The following AP3B1 variants were observed in gnomAD, a reference collection of about 807,000 sequenced individuals.
AP3B1 encodes adaptor related protein complex 3 subunit beta 1.
In AP3B1, 61 loss-of-function variants were observed where a neutral mutation model predicts 132.5. The ratio of observed to expected loss-of-function variants is 0.46; its 90% confidence interval spans 0.37 to 0.57. The LOEUF (loss-of-function observed/expected upper bound fraction) is 0.57, where lower values mean the gene tolerates loss of function less well. AP3B1 is among the 20% of genes least tolerant of loss of function. The pLI, the probability that AP3B1 is intolerant of heterozygous loss-of-function variation, is 0.00. For synonymous variants in AP3B1, 388 were observed against 438.3 expected (o/e 0.89, Z 1.43); for missense variants, 1,120 against 1,289.4 (o/e 0.87, Z 2.01).
intron 6 of AP3B1, among the ~76,000 whole-genome samples, chr5:78,225,125 C>A (rs948989057): frequency 6.6e-6 from 1 of 152,050 alleles, no homozygotes; most frequent in Non-Finnish European, 1.5e-5. Context: ...AGTACATACT[C>A]CCTGATGATA....
chr5:78,015,673 AT>A, intron 25 of AP3B1, 125 bp from the exon 26 acceptor site: 1 of 876,582 alleles, frequency 1.1e-6, no homozygotes, highest in Non-Finnish European at 1.8e-6. Context: ...TTAGGATGTA[AT>A]TTACAAGATA....
chr5:78,210,274 G>A (rs74637433), intron 7 of AP3B1, among the ~76,000 whole-genome samples: 1,991 of 152,136 alleles, frequency 0.013, 50 homozygotes, highest in African/African-American at 0.045. Flanking sequence ...ATTTTGGTCC[G>A]TTAAGACAGG....
chr5:78,136,842 T>C (rs1173534007), intron 15 of AP3B1, among the ~76,000 whole-genome samples: 16 of 152,164 alleles, frequency 1.1e-4, no homozygotes, highest in Admixed American at 9.2e-4. Flanking sequence ...TATAGCACAA[T>C]GATTTTAGAA....
intron 25 of AP3B1, 40 bp downstream of exon 25, chr5:78,020,652 T>G: frequency 7.0e-7 from 1 of 1,432,824 alleles, no homozygotes; most frequent in Non-Finnish European, 9.8e-7. Flanking sequence ...CACATATTAT[T>G]TGGTATGTAA....
At chr5:78,286,075 C>T (rs1305225786) in intron 1 of AP3B1, among the ~76,000 whole-genome samples, 1 of 152,086 alleles carries the variant, frequency 6.6e-6, no homozygotes, top group Non-Finnish European at 1.5e-5. Context: ...TTTACAAGGC[C>T]CTACACAATC....
At chr5:78,109,494 T>C (rs1751481786) in intron 20 of AP3B1, among the ~76,000 whole-genome samples, 1 of 152,124 alleles carries the variant, frequency 6.6e-6, no homozygotes, top group African/African-American at 2.4e-5. Flanking sequence ...CAGTTGTATA[T>C]AAAAATACTA....
intron 1 of AP3B1, among the ~76,000 whole-genome samples, chr5:78,292,320 G>T (rs1749559433): frequency 6.6e-6 from 1 of 152,148 alleles, no homozygotes; most frequent in South Asian, 2.1e-4. Flanking sequence ...CCATTAGACT[G>T]CAGGTCAATA....
Position 78,151,811 on chromosome 5 carries a change from T to TTTCC in AP3B1, c.1473+4443_1473+4446dup, listed in dbSNP as rs539810590. Among the ~76,000 whole-genome samples, 980 of 149,028 alleles carry TTTCC rather than the reference T, an allele frequency of 6.6e-3. 20 individuals carry two copies. The highest frequency in any genetic ancestry group is 0.023 in the African/African-American group (922 of 39,506). ...CAACAGATGCTAGACTCTAGTTTTATTTCCTTCCTTCCTTCCTTCCCTCCC... is the reference window on the plus strand; with the variant it reads ...CAACAGATGCTAGACTCTAGTTTTATTTCCTTCCTTCCTTCCTTCCTTCCCTCCC... On this transcript the variant is annotated intron_variant, in intron 14 of 26. Transcript: ENST00000255194.
chr5:78,209,095 TACACACACAC>T (rs141012498), intron 7 of AP3B1, among the ~76,000 whole-genome samples: 226 of 150,060 alleles, frequency 1.5e-3, no homozygotes, highest in Admixed American at 4.4e-3. Flanking sequence ...GAAAGGTAAA[TACACACACAC>T]ACACACACCA....
chr5:78,210,595 T>C (rs1745693004), intron 7 of AP3B1, among the ~76,000 whole-genome samples: 1 of 152,158 alleles, frequency 6.6e-6, no homozygotes, highest in Non-Finnish European at 1.5e-5. Context: ...TTCTAAAAAA[T>C]AATGGTAAAT....
chr5:78,124,898 C>T (rs920371036), intron 17 of AP3B1, among the ~76,000 whole-genome samples: 2 of 152,088 alleles, frequency 1.3e-5, no homozygotes, highest in African/African-American at 2.4e-5. Flanking sequence ...TATGCTCAAA[C>T]GTGCATTTTT....
chr5:78,184,481 T>C (rs1391928208), intron 7 of AP3B1, among the ~76,000 whole-genome samples: 1 of 151,348 alleles, frequency 6.6e-6, no homozygotes, highest in Non-Finnish European at 1.5e-5. Context: ...GGTCAGGAGA[T>C]TGAGACCATC....
chr5:78,190,936 T>C (rs185766989), intron 7 of AP3B1, among the ~76,000 whole-genome samples: 1 of 152,176 alleles, frequency 6.6e-6, no homozygotes, highest in East Asian at 1.9e-4. Flanking sequence ...TGCCTCATAC[T>C]TGAGGATTTA....
downstream of AP3B1, chr5:78,000,805 G>A (rs1383993717): frequency 2.0e-5 from 3 of 152,072 alleles, no homozygotes; most frequent in Non-Finnish European, 2.9e-5. Context: ...TTATGACAAA[G>A]TTAAAGGAAA....
chr5:78,275,420 T>A (rs771152779), intron 1 of AP3B1, among the ~76,000 whole-genome samples: 1 of 152,224 alleles, frequency 6.6e-6, no homozygotes, highest in Non-Finnish European at 1.5e-5. Flanking sequence ...ACAGTTTCCA[T>A]GTGTAAAGCA....
At chr5:78,263,568 C>T (rs2112556842) in intron 2 of AP3B1, among the ~76,000 whole-genome samples, 2 of 152,298 alleles carry the variant, frequency 1.3e-5, no homozygotes, top group East Asian at 3.9e-4. Flanking sequence ...ATCCTTGTTT[C>T]TGACCTTGGA....
At chr5:78,193,770 A>ATATATATATATATATATATTTTTT in intron 7 of AP3B1, among the ~76,000 whole-genome samples, 1 of 67,212 alleles carries the variant, frequency 1.5e-5, no homozygotes, top group African/African-American at 5.2e-5. Context: ...ATATATATAT[A>ATATATATATATATATATATTTTTT]TTTTTTTTTT....
At chr5:78,111,340 C>T (rs1302805786) in intron 19 of AP3B1, among the ~76,000 whole-genome samples, 1 of 152,088 alleles carries the variant, frequency 6.6e-6, no homozygotes, top group Non-Finnish European at 1.5e-5. Flanking sequence ...TAATTATTGA[C>T]TACATGTTGG....
chr5:78,241,852 C>T (rs1046635052), intron 2 of AP3B1, among the ~76,000 whole-genome samples: 1 of 152,172 alleles, frequency 6.6e-6, no homozygotes, highest in South Asian at 2.1e-4. Flanking sequence ...AAATGACATT[C>T]ATGATAGAAT....
Sources: gnomAD v4.1 joint callset for allele counts (sites outside exome capture counted in the v4.1 genomes callset) on GRCh38, gnomAD v4.1.1 for gene constraint, MANE v1.5 for transcripts, NCBI Gene and HGNC (gene_info 2026-07-23, HGNC 2026-07-21) for gene names.